The following PCSK6 variants were observed in gnomAD, a reference collection of about 807,000 sequenced individuals.
The protein encoded by PCSK6 is paired basic amino acid cleaving enzyme 4.
A neutral mutation model predicts 123.3 loss-of-function variants in PCSK6; 85 were observed. That is an observed-to-expected ratio of 0.69 (90% CI 0.58 to 0.83). The LOEUF is 0.83. PCSK6 is among the 40% of genes least tolerant of loss of function. PCSK6 has a pLI of 0.00. For synonymous variants in PCSK6, 508 were observed against 516.0 expected (o/e 0.98, Z 0.21); for missense variants, 1,191 against 1,282.3 (o/e 0.93, Z 1.09).
intron 1 of PCSK6, among the ~76,000 whole-genome samples, chr15:101,467,341 C>T (rs143323925): frequency 0.026 from 3,888 of 151,694 alleles, 171 homozygotes; most frequent in African/African-American, 0.084. Flanking sequence ...GGCACGATCA[C>T]GGCTCACTGC....
intron 8 of PCSK6, among the ~76,000 whole-genome samples, chr15:101,391,616 C>T (rs188147805): frequency 1.3e-5 from 2 of 152,218 alleles, no homozygotes; most frequent in African/African-American, 2.4e-5. Flanking sequence ...GGTGGACACA[C>T]CTGCTCACAT....
intron 13 of PCSK6, among the ~76,000 whole-genome samples, chr15:101,358,468 G>T (rs2041111157): frequency 6.6e-6 from 1 of 152,194 alleles, no homozygotes; most frequent in Non-Finnish European, 1.5e-5. Context: ...CTTGTGCATG[G>T]TACTATTGGT....
At chr15:101,385,839 T>A (rs755709962) in intron 9 of PCSK6, among the ~76,000 whole-genome samples, 1 of 152,208 alleles carries the variant, frequency 6.6e-6, no homozygotes. Context: ...AAAAGAAAGA[T>A]GTATGGGCTC....
chr15:101,307,319 G>C lies in PCSK6; in HGVS notation c.2706C>G (p.Asp902Glu). The C allele has an allele frequency of 3.7e-6, 6 of 1,611,610 alleles. No individual in the cohort carries two copies. The highest frequency in any genetic ancestry group is 5.1e-6 in the Non-Finnish European group (6 of 1,178,542). Residue 902 changes from aspartate (D) to glutamate (E), a missense_variant, in exon 21 of 22, where the codon GAC (aspartate) becomes GAG (glutamate). Coordinates refer to ENST00000611716, the MANE Select transcript of PCSK6 (RefSeq NM_002570.5). ...GLPHKVCRRC[D>E]ENCLSCAGSS... Reference sequence around the variant, plus strand: ...AGCCTGCACAGCTCAAGCAGTTCTCGTCACACCTGTGGGAAGATACCGTTC... The same window carrying C: ...AGCCTGCACAGCTCAAGCAGTTCTCCTCACACCTGTGGGAAGATACCGTTC...
chr15:101,426,294 C>A (rs1187519693), intron 6 of PCSK6, among the ~76,000 whole-genome samples: 1 of 152,178 alleles, frequency 6.6e-6, no homozygotes, highest in East Asian at 1.9e-4. Context: ...TCATTTCACC[C>A]CACAGGTAAA....
At chr15:101,477,244 CGT>C (rs536606180) in intron 1 of PCSK6, among the ~76,000 whole-genome samples, 7 of 151,326 alleles carry the variant, frequency 4.6e-5, no homozygotes, top group African/African-American at 1.2e-4. Flanking sequence ...TATGTGTGTG[CGT>C]GTGTGTGTGT....
At chr15:101,313,143 C>T in intron 20 of PCSK6, 1 of 1,463,282 alleles carries the variant, frequency 6.8e-7, no homozygotes, top group Non-Finnish European at 9.1e-7. Context: ...TTCTGCTTCC[C>T]ATCTTATCCC....
intron 6 of PCSK6, among the ~76,000 whole-genome samples, chr15:101,426,218 G>A (rs574038766): frequency 1.1e-3 from 167 of 152,308 alleles, no homozygotes; most frequent in African/African-American, 3.8e-3. Flanking sequence ...AGCCCAAGCC[G>A]ATGGTTTCAC....
intron 19 of PCSK6, among the ~76,000 whole-genome samples, chr15:101,315,119 T>C (rs912719535): frequency 3.3e-5 from 5 of 152,268 alleles, no homozygotes; most frequent in Non-Finnish European, 5.9e-5. Context: ...AGAAAGCTCA[T>C]TCTTGTTTGT....
At chr15:101,440,304 C>A (rs111278162) in intron 2 of PCSK6, among the ~76,000 whole-genome samples, 1,769 of 152,330 alleles carry the variant, frequency 0.012, 21 homozygotes, top group Non-Finnish European at 0.02. Flanking sequence ...AGAAAAACAT[C>A]AAGTAAAGGT....
chr15:101,346,751 G>C, intron 13 of PCSK6: 4 of 1,227,932 alleles, frequency 3.3e-6, no homozygotes, highest in Non-Finnish European at 3.0e-6. Flanking sequence ...TCAATGTTTA[G>C]TATTTTATTT....
intron 13 of PCSK6, chr15:101,346,860 G>A: frequency 8.1e-7 from 1 of 1,231,678 alleles, no homozygotes; most frequent in Non-Finnish European, 1.0e-6. Context: ...TCATAAATGT[G>A]CACAGCAGCA....
At chr15:101,473,467 T>C (rs1259423621) in intron 1 of PCSK6, among the ~76,000 whole-genome samples, 1 of 152,242 alleles carries the variant, frequency 6.6e-6, no homozygotes, top group Non-Finnish European at 1.5e-5. Context: ...TTCTAACGTT[T>C]TCTGATTTGA....
chr15:101,425,884 A>G (rs1407955832), intron 6 of PCSK6, among the ~76,000 whole-genome samples: 2 of 152,146 alleles, frequency 1.3e-5, no homozygotes, highest in African/African-American at 4.8e-5. Context: ...TCCTCCCCGC[A>G]ATCCATGATG....
At chr15:101,310,196 G>A (rs1384821842) in intron 20 of PCSK6, among the ~76,000 whole-genome samples, 1 of 152,214 alleles carries the variant, frequency 6.6e-6, no homozygotes, top group African/African-American at 2.4e-5. Context: ...CTTCCTGGGG[G>A]GTGCTTCTCC....
chr15:101,363,812 G>T (rs28639738), intron 13 of PCSK6, among the ~76,000 whole-genome samples: 4,444 of 130,980 alleles, frequency 0.034, 237 homozygotes, highest in African/African-American at 0.12. Context: ...TTTTTTTTTT[G>T]GATTTTTAGT....
At chr15:101,468,010 T>C (rs377065719) in intron 1 of PCSK6, among the ~76,000 whole-genome samples, 14 of 152,166 alleles carry the variant, frequency 9.2e-5, no homozygotes, top group African/African-American at 1.7e-4. Flanking sequence ...CCAACAAATA[T>C]ATTGTGGGAA....
At chr15:101,353,973 C>T (rs976953573) in intron 13 of PCSK6, among the ~76,000 whole-genome samples, 3 of 152,198 alleles carry the variant, frequency 2.0e-5, no homozygotes, top group African/African-American at 2.4e-5. Flanking sequence ...CAGCACTTCT[C>T]GGGCACTGTT....
Position 101,305,061 on chromosome 15 carries a change from G to A in PCSK6, c.*197C>T, listed in dbSNP as rs532613729. 74 of 573,952 alleles carry A rather than the reference G, an allele frequency of 1.3e-4. 1 individual carries two copies. In the South Asian group the frequency reaches 1.5e-3, roughly 12 times the overall value. 35.6% of individuals were successfully genotyped at this position (573,952 alleles called of 1,614,324 possible). On this transcript the variant is annotated 3_prime_UTR_variant, in exon 22 of 22. Coordinates refer to ENST00000611716, the MANE Select transcript of PCSK6 (RefSeq NM_002570.5). This position sits in a 1 kb window ranked among gnomAD's most constrained non-coding sequence, Gnocchi z 4.8. The stretch of plus-strand genomic sequence containing the variant: ...TGGAGCCAACAAGCAGCATTTGAGA[G>A]GATATCACCATTTTAGGAACACCTC...
Sources: gnomAD v4.1 joint callset for allele counts (sites outside exome capture counted in the v4.1 genomes callset) on GRCh38, gnomAD v4.1.1 for gene constraint, Gnocchi (gnomAD v3.1) non-coding constraint, MANE v1.5 for transcripts, NCBI Gene and HGNC (gene_info 2026-07-23, HGNC 2026-07-21) for gene names.